The following KRT86 variants were observed in gnomAD, a reference collection of about 807,000 sequenced individuals.
KRT86 encodes the protein keratin, type II cuticular Hb6.
A neutral mutation model predicts 41.2 loss-of-function variants in KRT86; 30 were observed. The observed-to-expected ratio is 0.73, with a 90% CI of 0.54 to 0.99. KRT86 has a LOEUF of 0.99. Ranked by LOEUF, KRT86 falls within the 50% of genes least tolerant of loss-of-function variation. The probability of loss-of-function intolerance (pLI) is 0.00; values close to 1 mark genes in which losing one functional copy is unlikely to be tolerated. For synonymous variants in KRT86, 238 were observed against 238.1 expected, an observed-to-expected ratio of 1.00 and a Z score of 0.00; for missense variants, 561 against 571.4, an observed-to-expected ratio of 0.98 and a Z score of 0.19.
At chr12:52,308,065 G>C (rs1384471346) in intron 9 of KRT86, 168 bp from the exon 10 acceptor site, 1 of 791,678 alleles carries the variant, frequency 1.3e-6, no homozygotes, top group African/African-American at 2.1e-5. Flanking sequence ...TCTGTCTCCA[G>C]ACCCTCACGG....
chr12:52,287,968 G>A (rs571446795), intron 2 of KRT86: 5 of 1,614,190 alleles, frequency 3.1e-6, no homozygotes, highest in East Asian at 2.2e-5. Context: ...GCAGGCAGGT[G>A]TCCTGTGCCA....
intron 1 of KRT86, 52 bp downstream of exon 1, chr12:52,274,774 A>G: frequency 2.0e-6 from 2 of 980,968 alleles, no homozygotes; most frequent in Non-Finnish European, 2.4e-6. Context: ...GGTGTCTTGG[A>G]CTTCACCCAG....
chr12:52,291,605 G>A, intron 2 of KRT86: 2 of 1,364,666 alleles, frequency 1.5e-6, no homozygotes, highest in Non-Finnish European at 2.0e-6. Context: ...GATGATGTTG[G>A]GGCAATTTGC....
At chr12:52,304,434 T>C (rs1328996681) in intron 5 of KRT86, among the ~76,000 whole-genome samples, 1 of 142,664 alleles carries the variant, frequency 7.0e-6, no homozygotes, top group African/African-American at 2.6e-5. Flanking sequence ...TTCCAGAGGT[T>C]GTGGTCTATT....
chr12:52,286,513 A>G (rs541453867), intron 2 of KRT86: 1 of 1,550,906 alleles, frequency 6.4e-7, no homozygotes, highest in South Asian at 1.2e-5. Context: ...CCGAAGGCTG[A>G]GTCAAAATTC....
chr12:52,279,069 A>C (rs1159288877), intron 2 of KRT86: 3 of 145,070 alleles, frequency 2.1e-5, no homozygotes, highest in Non-Finnish European at 4.6e-5. Flanking sequence ...CCTCCCTCGG[A>C]CAGTCGTCCT....
intron 9 of KRT86, 120 bp downstream of exon 9, chr12:52,306,400 G>T (rs1938520503): frequency 1.3e-6 from 2 of 1,489,876 alleles, no homozygotes; most frequent in South Asian, 2.4e-5. Context: ...CAACCAGACA[G>T]GTAATTTGTG....
chr12:52,307,609 C>T (rs61915662), intron 9 of KRT86, among the ~76,000 whole-genome samples: 11,882 of 152,262 alleles, frequency 0.078, 601 homozygotes, highest in Non-Finnish European at 0.12. Context: ...GATATGTCCT[C>T]CTTCTGGGCC....
At chr12:52,282,516 G>A (rs376311897) in intron 2 of KRT86, among the ~76,000 whole-genome samples, 2 of 152,310 alleles carry the variant, frequency 1.3e-5, no homozygotes, top group East Asian at 1.9e-4. Flanking sequence ...GATTACAGGC[G>A]TGAGCCACCG....
At position 52,308,646 on chromosome 12, in the gene KRT86, C is replaced by G; in HGVS notation, c.*61C>G. The G allele has an allele frequency of 6.6e-7, 1 of 1,526,134 alleles. No homozygotes were observed. Among genetic ancestry groups the G allele is most frequent in the South Asian group, 1.1e-5 (1 of 87,880 alleles). 94.5% of individuals were successfully genotyped at this position (1,526,134 alleles called of 1,614,324 possible). ...CTCTCCACCCAGCCAGTACCTCGCG[C>G]CACCAGAACGCGCCGCCCGCGCCGG... On this transcript the variant is annotated 3_prime_UTR_variant, in exon 11 of 11. Coordinates refer to ENST00000423955, the MANE Select transcript of KRT86 (RefSeq NM_001320198.2).
intron 2 of KRT86, chr12:52,286,868 T>G: frequency 6.2e-7 from 1 of 1,610,082 alleles, no homozygotes; most frequent in Non-Finnish European, 8.5e-7. Flanking sequence ...TGCCCCAGAG[T>G]GGCTGAAAAA....
chr12:52,294,227 G>A (rs1259880055), intron 2 of KRT86, among the ~76,000 whole-genome samples: 1 of 152,192 alleles, frequency 6.6e-6, no homozygotes, highest in Non-Finnish European at 1.5e-5. Context: ...GGAGCACTGT[G>A]AGTCAAAGTA....
rs537415853 is a variant in KRT86, at chr12:52,293,710, C to T, written c.-4-8203C>T. Reference sequence around the variant, plus strand: ...TGCATACCTCTGGTATATGGCAATACTTTGATAGACTGTACTATGTTCTAC... The same window carrying T: ...TGCATACCTCTGGTATATGGCAATATTTTGATAGACTGTACTATGTTCTAC... On this transcript the variant is annotated intron_variant, in intron 2 of 10. Transcript: ENST00000423955. Among the ~76,000 whole-genome samples the T allele has an allele frequency of 5.1e-4, 77 of 152,280 alleles. 2 individuals are homozygous for T. The highest frequency in any genetic ancestry group is 1.8e-3 in the African/African-American group (73 of 41,556).
At chr12:52,282,704 G>A (rs1030529216) in intron 2 of KRT86, among the ~76,000 whole-genome samples, 1 of 152,146 alleles carries the variant, frequency 6.6e-6, no homozygotes, top group Non-Finnish European at 1.5e-5. Flanking sequence ...ATGACCCCCA[G>A]CAGCATCTGC....
chr12:52,287,808 T>C, intron 2 of KRT86: 1 of 1,610,594 alleles, frequency 6.2e-7, no homozygotes, highest in Non-Finnish European at 8.5e-7. Context: ...GGTTGTACAG[T>C]GCTCAGCCTG....
intron 2 of KRT86, 58 bp from the exon 3 acceptor site, chr12:52,301,855 C>T (rs937468843): frequency 7.4e-6 from 12 of 1,613,528 alleles, no homozygotes; most frequent in Non-Finnish European, 9.3e-6. Context: ...ACGCCCCGAC[C>T]ACTGTGCTCT....
chr12:52,293,687 C>T (rs79648073), intron 2 of KRT86, among the ~76,000 whole-genome samples: 10 of 152,290 alleles, frequency 6.6e-5, no homozygotes, highest in African/African-American at 2.4e-4. Context: ...TAGTTATTTG[C>T]ATACCTCTGG....
chr12:52,299,132 C>CT (rs1938315070), intron 2 of KRT86, among the ~76,000 whole-genome samples: 1 of 152,198 alleles, frequency 6.6e-6, no homozygotes, highest in African/African-American at 2.4e-5. Flanking sequence ...CTCTGGTAAC[C>CT]ATCATTCTAC....
chr12:52,308,569 G>C lies in KRT86; in HGVS notation c.1445G>C (p.Ser482Thr), dbSNP rs4313620. 6.3e-7 allele frequency: 1 copy of C among 1,598,738 alleles called. No individual in the cohort carries two copies. Among genetic ancestry groups the C allele is most frequent in the Middle Eastern group, 1.7e-4 (1 of 5,990 alleles). The change falls in exon 11 of 11, where the codon AGC becomes ACC. Residue 482 changes from serine to threonine, a missense_variant. Transcript: ENST00000423955. The part of the protein sequence containing the change: ...PSARVGVCGG[S>T]CKRC ...GCCCGGGTTGGCGTCTGCGGCGGCA[G>C]CTGTAAGAGGTGCTAGGAGGCTGCC...
Sources: gnomAD v4.1 joint callset for allele counts (sites outside exome capture counted in the v4.1 genomes callset) on GRCh38, gnomAD v4.1.1 for gene constraint, MANE v1.5 for transcripts, NCBI Gene and HGNC (gene_info 2026-07-23, HGNC 2026-07-21) for gene names.